KDM5A: variants seen among roughly 807,000 people sequenced by gnomAD.
The protein encoded by KDM5A is lysine-specific demethylase 5A.
KDM5A carries 42 observed loss-of-function variants against 193.5 expected under a neutral mutation model. The ratio of observed to expected loss-of-function variants is 0.22; its 90% confidence interval spans 0.17 to 0.28. The LOEUF is 0.28. Among genes scored for constraint, KDM5A ranks in the 10% least tolerant of loss-of-function variants. The pLI is 1.00. For synonymous variants in KDM5A, 796 were observed against 718.1 expected (o/e 1.11, Z -1.73); for missense variants, 1,692 against 2,055.1 (o/e 0.82, Z 3.42).
At chr12:334,080 C>T (rs998626738) in intron 11 of KDM5A, among the ~76,000 whole-genome samples, 161 bp downstream of exon 11, 1 of 152,192 alleles carries the variant, frequency 6.6e-6, no homozygotes, top group African/African-American at 2.4e-5. Context: ...AATAGCTTCA[C>T]TGAGTTCAAT....
rs182873867 is a variant in KDM5A at position 335,992 on chromosome 12, G to A, written c.1309-1570C>T. 5.1e-3 allele frequency among the ~76,000 whole-genome samples: 702 copies of A among 136,844 alleles called. 28 individuals are homozygous for A. The highest frequency in any genetic ancestry group is 0.049 in the Admixed American group (629 of 12,880). 89.8% of individuals were successfully genotyped at this position (136,844 alleles called of 152,430 possible). On this transcript the variant is annotated intron_variant, in intron 10 of 27. Coordinates refer to ENST00000399788, the MANE Select transcript of KDM5A (RefSeq NM_001042603.3). ...CGGGAGGCAGAGATTGCAGTGAGCC[G>A]AGATCGCGGCATTGCACTCCAGTCT... is the stretch of plus-strand genomic sequence containing the variant.
chr12:385,742 A>G (rs2137501755), intron 2 of KDM5A, among the ~76,000 whole-genome samples, 155 bp downstream of exon 2: 1 of 152,318 alleles, frequency 6.6e-6, no homozygotes, highest in Non-Finnish European at 1.5e-5. Flanking sequence ...GTTTTTAAAA[A>G]ATCATACTCT....
At chr12:297,014 C>T (rs1281161697) in intron 25 of KDM5A, 27 bp downstream of exon 25, 1 of 1,609,844 alleles carries the variant, frequency 6.2e-7, no homozygotes, top group South Asian at 1.1e-5. Context: ...TGCTTATGTT[C>T]CCCACAGTTT....
chr12:355,417 G>A (rs1355410301), intron 6 of KDM5A, among the ~76,000 whole-genome samples, 168 bp from the exon 7 acceptor site: 1 of 152,192 alleles, frequency 6.6e-6, no homozygotes, highest in Non-Finnish European at 1.5e-5. Flanking sequence ...CTGAGGTACA[G>A]CAAAGTTAGT....
At chr12:350,576 G>A (rs766561539) in intron 10 of KDM5A, 45 bp downstream of exon 10, 39 of 1,602,414 alleles carry the variant, frequency 2.4e-5, no homozygotes, top group Non-Finnish European at 2.8e-5. Context: ...CAATGCAAAA[G>A]CTAAATCAGC....
intron 26 of KDM5A, among the ~76,000 whole-genome samples, chr12:295,168 CA>C (rs1373299767): frequency 6.7e-6 from 1 of 149,958 alleles, no homozygotes; most frequent in African/African-American, 2.5e-5. Flanking sequence ...CTTTTTTTTT[CA>C]ACTTAGATAC....
intron 3 of KDM5A, among the ~76,000 whole-genome samples, chr12:379,806 C>T (rs765106610): frequency 4.6e-5 from 7 of 152,114 alleles, no homozygotes; most frequent in Non-Finnish European, 7.3e-5. Context: ...AATATTTAAA[C>T]AAAGTGTACT....
At chr12:306,848 A>C (rs1591904602) in intron 24 of KDM5A, 98 bp downstream of exon 24, 2 of 1,166,100 alleles carry the variant, frequency 1.7e-6, no homozygotes, top group Non-Finnish European at 2.5e-6. Context: ...TTTCTCTTTC[A>C]CTTTCAGGCC....
chr12:323,229 A>AAAAAAAAAAAAAAAAAAAAAAAAAAAAAT, intron 15 of KDM5A, 23 bp from the exon 16 acceptor site: 1 of 1,495,426 alleles, frequency 6.7e-7, no homozygotes, highest in Non-Finnish European at 8.9e-7. Context: ...AAAAAAAAAA[A>AAAAAAAAAAAAAAAAAAAAAAAAAAAAAT]AAAAAAAAAA....
rs199676382 is a variant in KDM5A, at chr12:313,142, T to C, written c.2950A>G (p.Ile984Val). 6.2e-7 allele frequency: 1 copy of C among 1,614,162 alleles called. No homozygotes were observed. Among genetic ancestry groups the C allele is most frequent in the Non-Finnish European group, 8.5e-7 (1 of 1,179,998 alleles). ...AACACATTGGGTAGAAAGGCTGGAA[T>C]GTTCTTGGCTTCATTCACAATGCTT... ...LESIVNEAKN[I>V]PAFLPNVLSL... is the part of the protein sequence containing the mutation. The change falls in exon 20 of 28, where the codon ATT becomes GTT. Residue 984 changes from isoleucine to valine, a missense_variant. Transcript: ENST00000399788.
intron 4 of KDM5A, 108 bp from the exon 5 acceptor site, chr12:363,205 A>G (rs1310895855): frequency 3.1e-6 from 4 of 1,277,586 alleles, no homozygotes; most frequent in African/African-American, 1.5e-5. Context: ...ACTAGACCGC[A>G]ATTATTTCTC....
In KDM5A at chr12:280,346, G is replaced by A. The variant is rs1591890034; in HGVS notation, c.*5110C>T. 4.3e-6 allele frequency: 1 copy of A among 232,498 alleles called. No homozygotes were observed. Among genetic ancestry groups the A allele is most frequent in the East Asian group, 6.0e-5 (1 of 16,548 alleles). The allele number at this position is 232,498 out of a possible 1,614,324, so 14.4% of individuals were successfully genotyped here. On this transcript the variant is annotated 3_prime_UTR_variant, in exon 28 of 28. Coordinates refer to ENST00000399788, the MANE Select transcript of KDM5A (RefSeq NM_001042603.3). ...AGAAATACTTGATCTAAACTGGGAG[G>A]GTCCAACACAATTTTTTTTTTTAAT...
Position 291,207 on chromosome 12 carries a change from A to G in KDM5A, c.4866+1552T>C, listed in dbSNP as rs550568643. ...CAATGATATAAAACAAACGCCATAGAAAAAAATTGGAAGGAAACACTAAAA... is the reference window on the plus strand; with the variant it reads ...CAATGATATAAAACAAACGCCATAGGAAAAAATTGGAAGGAAACACTAAAA... On this transcript the variant is annotated intron_variant, in intron 27 of 27. Transcript: ENST00000399788. Among the ~76,000 whole-genome samples, 69 of 152,344 alleles carry G rather than the reference A, an allele frequency of 4.5e-4. 1 individual carries two copies. The South Asian group carries it at 0.014, about 32-fold the overall frequency.
At chr12:345,994 G>T (rs751626655) in intron 10 of KDM5A, among the ~76,000 whole-genome samples, 3 of 151,972 alleles carry the variant, frequency 2.0e-5, no homozygotes, top group African/African-American at 7.2e-5. Context: ...TTTTTGAAAA[G>T]ATCAACAAAA....
At chr12:374,464 T>C (rs1190102157) in intron 3 of KDM5A, among the ~76,000 whole-genome samples, 1 of 152,214 alleles carries the variant, frequency 6.6e-6, no homozygotes, top group Non-Finnish European at 1.5e-5. Context: ...AGCCTGTGTG[T>C]GTCTCTGCAT....
rs536311283 is a variant in KDM5A, at chr12:335,516, T to C, written c.1309-1094A>G. Among the ~76,000 whole-genome samples, 3 of 152,254 alleles carry C rather than the reference T, an allele frequency of 2.0e-5. No homozygotes were observed. The East Asian group carries it at 5.8e-4, about 29-fold the overall frequency. ...GATATGAGAATCTGCTATTAAAAAG[T>C]TGATAACTGAATGTGGATGTCAGGA... is the stretch of plus-strand genomic sequence containing the variant. On this transcript the variant is annotated intron_variant, in intron 10 of 27. Coordinates refer to ENST00000399788, the MANE Select transcript of KDM5A (RefSeq NM_001042603.3).
chr12:293,134 T>C lies in KDM5A; in HGVS notation c.4491A>G (p.Lys1497=), dbSNP rs768065160. 4 of 1,609,882 alleles carry C rather than the reference T, an allele frequency of 2.5e-6. No homozygotes were observed. In the African/African-American group the frequency reaches 5.4e-5, roughly 22 times the overall value. ...DSMEEKPLKV[K]GKDSSEKKRK... ...GTTTCTTCTCTGAAGAGTCCTTTCC[T>C]TTCACTTTTAGTGGTTTCTCTTCCA... Residue 1497 remains lysine, a synonymous_variant, in exon 27 of 28, where the codon AAA becomes AAG. Coordinates refer to ENST00000399788, the MANE Select transcript of KDM5A (RefSeq NM_001042603.3).
At position 353,689 on chromosome 12, in the gene KDM5A, G is replaced by A. The variant is rs530844543; in HGVS notation, c.1029+387C>T. Reference sequence around the variant, plus strand: ...TGTAATCCCAGCACTCTGGGAAGCCGAGACAGGCAGATTACGAGGTCAAGA... The same window carrying A: ...TGTAATCCCAGCACTCTGGGAAGCCAAGACAGGCAGATTACGAGGTCAAGA... On this transcript the variant is annotated intron_variant, in intron 8 of 27. Coordinates refer to ENST00000399788, the MANE Select transcript of KDM5A (RefSeq NM_001042603.3). 1.2e-3 allele frequency among the ~76,000 whole-genome samples: 188 copies of A among 152,234 alleles called. 1 individual carries two copies. Among genetic ancestry groups the A allele is most frequent in the Middle Eastern group, 3.4e-3 (1 of 294 alleles).
At chr12:347,644 C>G (rs945362889) in intron 10 of KDM5A, among the ~76,000 whole-genome samples, 4 of 152,078 alleles carry the variant, frequency 2.6e-5, no homozygotes, top group African/African-American at 7.2e-5. Context: ...ACAAACCTGA[C>G]AAAAACAAGA....
Sources: allele counts gnomAD v4.1 joint callset (sites outside exome capture counted in the v4.1 genomes callset), GRCh38; gene constraint gnomAD v4.1.1; transcripts MANE v1.5; gene names NCBI Gene and HGNC (gene_info 2026-07-23, HGNC 2026-07-21).